PFKFB3: variants seen among roughly 807,000 people sequenced by gnomAD.
PFKFB3 encodes 6-phosphofructo-2-kinase/fructose-2,6-biphosphatase 3, also known as 6-phosphofructo-2-kinase/fructose-2,6-bisphosphatase 3.
A neutral mutation model predicts 68.0 loss-of-function variants in PFKFB3; 33 were observed. The ratio of observed to expected loss-of-function variants is 0.49; its 90% CI spans 0.37 to 0.65. The LOEUF is 0.65. PFKFB3 is among the 30% of genes least tolerant of loss of function. The pLI is 0.00. For missense variants in PFKFB3, 586 were observed against 712.2 expected (o/e 0.82, Z 2.02); for synonymous variants, 315 against 288.2 (o/e 1.09, Z -0.94).
chr10:6,175,237 A>G (rs914484377), intron 1 of PFKFB3, among the ~76,000 whole-genome samples: 1 of 152,242 alleles, frequency 6.6e-6, no homozygotes, highest in East Asian at 1.9e-4. Flanking sequence ...TTCAATGGCC[A>G]TTATGACCAG....
rs538206011 is a variant in PFKFB3 at position 6,145,474 on chromosome 10, G to A, written c.16+461G>A. 1.9e-3 allele frequency among the ~76,000 whole-genome samples: 289 copies of A among 152,292 alleles called. 1 individual carries two copies. The highest frequency in any genetic ancestry group is 6.8e-3 in the African/African-American group (282 of 41,574). On this transcript the variant is annotated intron_variant, in intron 1 of 14. Transcript: ENST00000379789. ...GCTTCCCGCTGCGCTCCAGCCCCGG[G>A]CCGCAGATATACCAGGGCTCCGGAC...
the PFKFB3 span, among the ~76,000 whole-genome samples, chr10:6,316,674 C>T: frequency 2.0e-5 from 3 of 152,084 alleles, no homozygotes; most frequent in Admixed American, 6.5e-5. Flanking sequence ...GTCCGGGTTT[C>T]GCCATGTTGG....
chr10:6,155,205 CTT>C (rs55673645), intron 1 of PFKFB3, among the ~76,000 whole-genome samples: 9 of 132,362 alleles, frequency 6.8e-5, no homozygotes, highest in East Asian at 2.2e-4. Context: ...GAGTTTTTTT[CTT>C]TTTTTTTTTT....
intron 1 of PFKFB3, among the ~76,000 whole-genome samples, chr10:6,195,398 T>C (rs1232213502): frequency 6.6e-6 from 1 of 152,180 alleles, no homozygotes; most frequent in Non-Finnish European, 1.5e-5. Flanking sequence ...TACTGAGGAA[T>C]TGTCTGGCAA....
intron 1 of PFKFB3, among the ~76,000 whole-genome samples, chr10:6,152,677 G>C (rs1193977860): frequency 1.3e-5 from 2 of 151,940 alleles, no homozygotes; most frequent in Non-Finnish European, 2.9e-5. Context: ...AGGAGAGTGA[G>C]ACCAGCCTGG....
chr10:6,285,174 C>A, the PFKFB3 span, among the ~76,000 whole-genome samples: 1 of 151,648 alleles, frequency 6.6e-6, no homozygotes, highest in Non-Finnish European at 1.5e-5. Context: ...TATTCCACAG[C>A]AGCAGTACCA....
intron 1 of PFKFB3, among the ~76,000 whole-genome samples, chr10:6,162,614 A>T (rs1381899312): frequency 6.6e-6 from 1 of 152,160 alleles, no homozygotes; most frequent in African/African-American, 2.4e-5. Context: ...AATAGTACCA[A>T]TGTGGACTCC....
chr10:6,210,574 A>G (rs12241169), intron 1 of PFKFB3, among the ~76,000 whole-genome samples: 5,686 of 40,928 alleles, frequency 0.14, 1,232 homozygotes, highest in Admixed American at 0.18. Context: ...TAGCCAGGAT[A>G]GTCTTGATAG....
At chr10:6,182,882 C>T (rs1018761979) in intron 1 of PFKFB3, among the ~76,000 whole-genome samples, 1 of 152,292 alleles carries the variant, frequency 6.6e-6, no homozygotes, top group African/African-American at 2.4e-5. Context: ...CCCTTCCCAG[C>T]CCCCCAGGGT....
rs1332921448 is a variant in PFKFB3, at chr10:6,234,658, T to C, written c.*1716T>C. On this transcript the variant is annotated 3_prime_UTR_variant, in exon 15 of 15. Transcript: ENST00000379775. ...AGAATATGTGGGTAGGGGGTGGACG[T>C]GCACGGGTGCATGATTGTGCTTAAC... is the stretch of plus-strand genomic sequence containing the variant. 1 of 152,310 alleles carries C rather than the reference T, an allele frequency of 6.6e-6. No homozygotes were observed. Among genetic ancestry groups the C allele is most frequent in the African/African-American group, 2.4e-5 (1 of 41,428 alleles). The allele number at this position is 152,310 out of a possible 1,614,324, so 9.4% of individuals were successfully genotyped here. A position where few individuals can be genotyped will look rare whatever the true frequency, so the allele number is the denominator to read the frequency against.
chr10:6,229,303 T>A lies in PFKFB3; in HGVS notation c.1515+2938T>A. 1 of 400,880 alleles carries A rather than the reference T, an allele frequency of 2.5e-6. No homozygotes were observed. Among genetic ancestry groups the A allele is most frequent in the Non-Finnish European group, 5.2e-6 (1 of 191,820 alleles). The allele number at this position is 400,880 out of a possible 1,614,324, so 24.8% of individuals were successfully genotyped here. On this transcript the variant is annotated intron_variant, in intron 14 of 14. Coordinates refer to ENST00000379775, the MANE Select transcript of PFKFB3 (RefSeq NM_004566.4). This position sits in a 1 kb window ranked among gnomAD's most constrained non-coding sequence, Gnocchi z 4.3. The stretch of plus-strand genomic sequence containing the variant: ...GGTCGGCAGGGCAGTCAGTCCCCCG[T>A]TTAATGGTTGAGGGGCTGAGTGACC...
chr10:6,157,040 C>T (rs901290400), intron 1 of PFKFB3, among the ~76,000 whole-genome samples: 8 of 150,700 alleles, frequency 5.3e-5, no homozygotes, highest in African/African-American at 1.9e-4. Flanking sequence ...TGCAGTGAGC[C>T]GAGATGGTGC....
chr10:6,189,073 T>C (rs887813553), intron 1 of PFKFB3, among the ~76,000 whole-genome samples: 16 of 152,288 alleles, frequency 1.1e-4, no homozygotes, highest in African/African-American at 3.8e-4. Flanking sequence ...TCTCCTGACC[T>C]CGTGATCCGC....
At chr10:6,252,532 A>G (rs1318788029) in intron 14 of PFKFB3, among the ~76,000 whole-genome samples, 1 of 152,254 alleles carries the variant, frequency 6.6e-6, no homozygotes, top group Non-Finnish European at 1.5e-5. Context: ...AATGATTGAA[A>G]TACCTTATTT....
the PFKFB3 span, among the ~76,000 whole-genome samples, chr10:6,261,760 C>T: frequency 4.7e-4 from 71 of 151,848 alleles, no homozygotes; most frequent in Middle Eastern, 3.2e-3. Context: ...TTTGGGAGGC[C>T]GAGGCAGGCA....
At chr10:6,217,277 G>A in intron 6 of PFKFB3, 86 bp downstream of exon 6, 1 of 1,133,890 alleles carries the variant, frequency 8.8e-7, no homozygotes, top group South Asian at 1.2e-5. Context: ...ACCGGGTCCG[G>A]CTCGGAAGCG....
At chr10:6,237,073 G>A (rs536896925), downstream of PFKFB3, among the ~76,000 whole-genome samples, 17 of 152,156 alleles carry the variant, frequency 1.1e-4, no homozygotes, top group East Asian at 7.8e-4. Context: ...TGCACCCACC[G>A]CAGGGCCTTC....
intron 14 of PFKFB3, among the ~76,000 whole-genome samples, chr10:6,241,143 G>A (rs952743154): frequency 5.7e-4 from 86 of 152,206 alleles, no homozygotes; most frequent in African/African-American, 2.0e-3. Flanking sequence ...CTGACCTCGT[G>A]ATCCACCCAC....
chr10:6,151,795 G>A (rs1335842184), intron 1 of PFKFB3, among the ~76,000 whole-genome samples: 3 of 152,146 alleles, frequency 2.0e-5, no homozygotes. Flanking sequence ...GCATGGGGTA[G>A]ACCTGTTTGA....
Sources: gnomAD v4.1 joint callset for allele counts (sites outside exome capture counted in the v4.1 genomes callset) on GRCh38, gnomAD v4.1.1 for gene constraint, Gnocchi (gnomAD v3.1) non-coding constraint, MANE v1.5 for transcripts, NCBI Gene and HGNC (gene_info 2026-07-23, HGNC 2026-07-21) for gene names.